The following UBR1 variants were observed in gnomAD, a reference collection of about 807,000 sequenced individuals.
The protein encoded by UBR1 is E3 ubiquitin-protein ligase UBR1.
UBR1 carries 102 observed loss-of-function variants against 242.1 expected under a neutral mutation model. The observed-to-expected ratio is 0.42, with a 90% CI of 0.36 to 0.50. UBR1 has a LOEUF of 0.50. UBR1 is among the 20% of genes least tolerant of loss of function. The pLI is 0.01. For synonymous variants in UBR1, 675 were observed against 684.8 expected, an observed-to-expected ratio of 0.99 and a Z score of 0.22; for missense variants, 1,772 against 2,101.8, an observed-to-expected ratio of 0.84 and a Z score of 3.07.
rs1164739631 is a variant in UBR1, at chr15:43,056,355, C to T, written c.1270G>A (p.Val424Ile). The T allele has an allele frequency of 1.2e-6, 2 of 1,608,966 alleles. No homozygotes were observed. Among genetic ancestry groups the T allele is most frequent in the South Asian group, 2.2e-5 (2 of 90,976 alleles). The part of the protein sequence containing the change: ...ITALSVQMFT[V>I]PTLARHLIEE... ...TAATCAATACATACCAGAGTAGGAA[C>T]AGTAAACATCTGAACTGAAAGTGCA... Residue 424 changes from valine (V) to isoleucine (I), a missense_variant, in exon 11 of 47, where the codon GTT becomes ATT. Val to Ile is a conservative substitution (Grantham distance 29, BLOSUM62 3). Transcript: ENST00000290650.
intron 13 of UBR1, 58 bp downstream of exon 13, chr15:43,048,334 T>G: frequency 1.5e-6 from 2 of 1,355,938 alleles, no homozygotes; most frequent in South Asian, 1.3e-5. Flanking sequence ...TTAAAAAGAC[T>G]GCGGTTCAAT....
At chr15:43,062,287 A>G (rs916359210) in intron 6 of UBR1, among the ~76,000 whole-genome samples, 2 of 152,154 alleles carry the variant, frequency 1.3e-5, no homozygotes, top group Admixed American at 6.5e-5. Flanking sequence ...GTGTGTGTGT[A>G]TATATACTGT....
At position 42,944,334 on chromosome 15, in the gene UBR1, A is replaced by G. The variant is rs2031698352; in HGVS notation, c.*995T>C. The G allele has an allele frequency of 1.3e-5, 2 of 152,640 alleles. No homozygotes were observed. Among genetic ancestry groups the G allele is most frequent in the Admixed American group, 1.3e-4 (2 of 15,284 alleles). 9.5% of individuals were successfully genotyped at this position (152,640 alleles called of 1,614,324 possible). A position where few individuals can be genotyped will look rare whatever the true frequency, so the allele number is the denominator to read the frequency against. Reference sequence around the variant, plus strand: ...TCACATGGCTTTTTTGGTGGTTTGTACTAGTCATAAAACCAGAGTTTATGA... The same window carrying G: ...TCACATGGCTTTTTTGGTGGTTTGTGCTAGTCATAAAACCAGAGTTTATGA... On this transcript the variant is annotated 3_prime_UTR_variant, in exon 47 of 47. Transcript: ENST00000290650.
chr15:43,105,714 C>G (rs898915544), intron 1 of UBR1, among the ~76,000 whole-genome samples: 1 of 152,192 alleles, frequency 6.6e-6, no homozygotes, highest in Non-Finnish European at 1.5e-5. Context: ...GAGACATGCA[C>G]ACTTGAGATC....
In UBR1 at chr15:43,026,545, G is replaced by T. The variant is rs1280011135; in HGVS notation, c.2535+16C>A. The T allele has an allele frequency of 1.1e-5, 17 of 1,604,950 alleles. No individual in the cohort carries two copies. The African/African-American group carries it at 1.2e-4, about 11-fold the overall frequency. On this transcript the variant is annotated intron_variant, in intron 23 of 46. Transcript: ENST00000290650. ...AGCATTTAGGTTTATTTACTGAAAAGGATACTTTTTTCTACCTTGCTATGC... is the reference window on the plus strand; with the variant it reads ...AGCATTTAGGTTTATTTACTGAAAATGATACTTTTTTCTACCTTGCTATGC...
At chr15:43,094,916 T>A (rs1255762310) in intron 1 of UBR1, among the ~76,000 whole-genome samples, 1 of 152,204 alleles carries the variant, frequency 6.6e-6, no homozygotes, top group East Asian at 1.9e-4. Flanking sequence ...GCTGTCAGAA[T>A]TTGGTTTTTG....
chr15:43,104,670 G>A (rs569270400), intron 1 of UBR1, among the ~76,000 whole-genome samples: 3 of 151,414 alleles, frequency 2.0e-5, no homozygotes, highest in East Asian at 3.9e-4. Flanking sequence ...CTCTGTTCTC[G>A]CATAAAACAA....
At chr15:43,015,920 A>C in intron 28 of UBR1, 51 bp from the exon 29 acceptor site, 1 of 1,561,560 alleles carries the variant, frequency 6.4e-7, no homozygotes. Flanking sequence ...TTAAACATTT[A>C]TATACGCTGT....
chr15:43,092,306 G>A (rs1444318120), intron 1 of UBR1, among the ~76,000 whole-genome samples: 1 of 152,028 alleles, frequency 6.6e-6, no homozygotes, highest in Non-Finnish European at 1.5e-5. Context: ...AGTATTTGAA[G>A]GCAGTACTCA....
intron 46 of UBR1, among the ~76,000 whole-genome samples, chr15:42,948,544 C>CTAA (rs1178943279): frequency 6.6e-6 from 1 of 151,928 alleles, no homozygotes; most frequent in Non-Finnish European, 1.5e-5. Context: ...TGACAAAGAG[C>CTAA]TAATATCCAG....
intron 41 of UBR1, among the ~76,000 whole-genome samples, chr15:42,965,158 T>C (rs1171596680): frequency 2.0e-5 from 3 of 152,150 alleles, no homozygotes; most frequent in African/African-American, 7.2e-5. Context: ...ATGAAAAACC[T>C]AGATCAGATA....
At chr15:43,092,950 T>G (rs900174423) in intron 1 of UBR1, among the ~76,000 whole-genome samples, 6 of 152,234 alleles carry the variant, frequency 3.9e-5, no homozygotes, top group African/African-American at 1.2e-4. Flanking sequence ...AAAATAGGTT[T>G]GATTTTTTGC....
intron 40 of UBR1, among the ~76,000 whole-genome samples, chr15:42,967,127 A>G (rs1018320005): frequency 1.1e-4 from 16 of 151,550 alleles, no homozygotes; most frequent in African/African-American, 3.4e-4. Flanking sequence ...CATGTTGGCC[A>G]GGATGGTTTC....
intron 1 of UBR1, among the ~76,000 whole-genome samples, chr15:43,090,276 G>A (rs2034091546): frequency 6.6e-6 from 1 of 152,040 alleles, no homozygotes; most frequent in Non-Finnish European, 1.5e-5. Context: ...CATTTACATA[G>A]AGAAAAATCA....
At chr15:42,967,178 A>G (rs972412178) in intron 40 of UBR1, among the ~76,000 whole-genome samples, 4 of 150,850 alleles carry the variant, frequency 2.7e-5, no homozygotes, top group Non-Finnish European at 5.9e-5. Flanking sequence ...TCAGCCTCCC[A>G]AAGTGCTGGG....
At chr15:42,956,383 G>C (rs1400250527) in intron 44 of UBR1, among the ~76,000 whole-genome samples, 1 of 152,094 alleles carries the variant, frequency 6.6e-6, no homozygotes, top group East Asian at 1.9e-4. Context: ...GCAGTGGCAC[G>C]ATCTCGGCTC....
In UBR1 at chr15:42,952,440, C is replaced by T. The variant is rs2031850219; in HGVS notation, c.4844G>A (p.Arg1615Gln). 3.7e-6 allele frequency: 6 copies of T among 1,614,168 alleles called. No individual in the cohort carries two copies. The highest frequency in any genetic ancestry group is 1.6e-4 in the Middle Eastern group (1 of 6,062). ...LNQASHFRCPRSADDERKHPV... is the reference protein window; with the variant it reads ...LNQASHFRCPQSADDERKHPV... ...ATGCTTTCGCTCATCATCTGCAGAC[C>T]GTGGGCACCTCAAAAGAGAAGAAAA... The change falls in exon 45 of 47, where the codon CGG (arginine) becomes CAG (glutamine). Residue 1615 changes from arginine to glutamine, a missense_variant. Physicochemically the swap from Arg to Gln is conservative, Grantham distance 43 (BLOSUM62 1). Coordinates refer to ENST00000290650, the MANE Select transcript of UBR1 (RefSeq NM_174916.3).
Position 43,002,664 on chromosome 15 carries a change from G to A in UBR1, c.3550C>T (p.His1184Tyr), listed in dbSNP as rs767690691. The change falls in exon 32 of 47, where the codon CAT becomes TAT. Residue 1184 changes from histidine to tyrosine, a missense_variant. Around this residue, in one of 3 missense-constraint regions of UBR1, gnomAD observed 965 missense variants for 1,079.7 expected, o/e 0.89. Coordinates refer to ENST00000290650, the MANE Select transcript of UBR1 (RefSeq NM_174916.3). ...CTTTCCAAGTCAAAAAGGTCAACAT[G>A]AATGCGCTGCTGAGAGCTCAGCTGT... Reference protein sequence around the residue: ...AVQLSSQQRIHVDLFDLESGE... With the variant: ...AVQLSSQQRIYVDLFDLESGE... 1.2e-6 allele frequency: 2 copies of A among 1,614,176 alleles called. No homozygotes were observed. Among genetic ancestry groups the A allele is most frequent in the Non-Finnish European group, 1.7e-6 (2 of 1,180,046 alleles).
intron 25 of UBR1, 65 bp downstream of exon 25, chr15:43,024,764 G>A (rs1304872621): frequency 1.9e-6 from 3 of 1,609,090 alleles, no homozygotes; most frequent in Non-Finnish European, 2.6e-6. Flanking sequence ...TTAGACCTGA[G>A]ATCTTCCCTA....
Sources: gnomAD v4.1 joint callset for allele counts (sites outside exome capture counted in the v4.1 genomes callset) on GRCh38, gnomAD v4.1.1 for gene constraint, gnomAD v4.1.1 regional missense constraint, MANE v1.5 for transcripts, NCBI Gene and HGNC (gene_info 2026-07-23, HGNC 2026-07-21) for gene names.